ASAP1: variants seen among roughly 807,000 people sequenced by gnomAD.
ASAP1 encodes the protein ArfGAP with SH3 domain, ankyrin repeat and PH domain 1, also known as arf-GAP with SH3 domain, ANK repeat and PH domain-containing protein 1.
A neutral mutation model predicts 145.2 loss-of-function variants in ASAP1; 43 were observed. That is an observed-to-expected ratio of 0.30 (90% CI 0.23 to 0.38). The LOEUF is 0.38. ASAP1 is among the 10% of genes least tolerant of loss of function. The pLI is 1.00. For missense variants in ASAP1, 1,018 were observed against 1,355.3 expected, an observed-to-expected ratio of 0.75 and a Z score of 3.91; for synonymous variants, 546 against 515.5, an observed-to-expected ratio of 1.06 and a Z score of -0.80.
chr8:130,273,344 G>GT (rs1311958052), intron 3 of ASAP1, among the ~76,000 whole-genome samples: 6 of 152,166 alleles, frequency 3.9e-5, no homozygotes, highest in African/African-American at 7.2e-5. Context: ...AAACCTTGAA[G>GT]TTCAGCGGTC....
intron 11 of ASAP1, chr8:130,160,656 T>C (rs2097667273): frequency 2.2e-5 from 10 of 452,618 alleles, no homozygotes; most frequent in South Asian, 2.1e-4. Context: ...AAGGACTACA[T>C]GACTAGAAAC....
intron 2 of ASAP1, among the ~76,000 whole-genome samples, chr8:130,397,248 C>G (rs1828574094): frequency 1.3e-5 from 2 of 152,148 alleles, no homozygotes; most frequent in African/African-American, 4.8e-5. Flanking sequence ...TCAAGCAATT[C>G]TCATGCCTCA....
chr8:130,297,238 T>C (rs1368617994), intron 3 of ASAP1, among the ~76,000 whole-genome samples: 2 of 152,184 alleles, frequency 1.3e-5, no homozygotes. Context: ...TGTGGGAGAT[T>C]AGTTCGTCTC....
chr8:130,151,358 G>A (rs995013353), intron 13 of ASAP1, among the ~76,000 whole-genome samples: 1 of 95,778 alleles, frequency 1.0e-5, no homozygotes, highest in Admixed American at 1.6e-4. Context: ...GTGAAAGAGC[G>A]AGACTCAGTC....
In ASAP1 at chr8:130,052,671, AAAG is replaced by A. The variant is rs2097395281; in HGVS notation, c.*2057_*2059del. The A allele has an allele frequency of 1.3e-5, 2 of 152,390 alleles. No individual in the cohort carries two copies. Among genetic ancestry groups the A allele is most frequent in the Admixed American group, 6.5e-5 (1 of 15,278 alleles). The allele number at this position is 152,390 out of a possible 1,614,324, so 9.4% of individuals were successfully genotyped here. ...TGTGTAAGTTGCTGCAAAAGGGGAA[AAAG>A]AATAGACACTAACTCCATGTAATTT... is the stretch of plus-strand genomic sequence containing the variant. On this transcript the variant is annotated 3_prime_UTR_variant, in exon 30 of 30. Transcript: ENST00000518721.
intron 5 of ASAP1, among the ~76,000 whole-genome samples, chr8:130,213,857 G>A (rs1260548573): frequency 6.6e-6 from 1 of 152,148 alleles, no homozygotes; most frequent in Non-Finnish European, 1.5e-5. Flanking sequence ...TGAGGGCTGG[G>A]GAGGGGGTTG....
In ASAP1 at chr8:130,061,083, C is replaced by A. The variant is rs766437902; in HGVS notation, c.2702-14G>T. On this transcript the variant is annotated splice_polypyrimidine_tract_variant and intron_variant, in intron 27 of 29. Coordinates refer to ENST00000518721, the MANE Select transcript of ASAP1 (RefSeq NM_018482.4). The stretch of plus-strand genomic sequence containing the variant: ...TCCTTAGTGCCACTGTGGAAGCAAT[C>A]AAAAACAAGGAGGTCATTGGTGGGA... 50 of 1,520,226 alleles carry A rather than the reference C, an allele frequency of 3.3e-5. No homozygotes were observed. Among genetic ancestry groups the A allele is most frequent in the Middle Eastern group, 1.8e-4 (1 of 5,608 alleles). 94.2% of individuals were successfully genotyped at this position (1,520,226 alleles called of 1,614,324 possible).
chr8:130,243,881 G>A (rs956697938), intron 3 of ASAP1, among the ~76,000 whole-genome samples: 1 of 152,068 alleles, frequency 6.6e-6, no homozygotes, highest in Non-Finnish European at 1.5e-5. Context: ...ATGCTCCTGC[G>A]TTTATGATCT....
chr8:130,100,147 C>T lies in ASAP1; in HGVS notation c.2402-8004G>A, dbSNP rs544631999. On this transcript the variant is annotated intron_variant, in intron 24 of 29. Coordinates refer to ENST00000518721, the MANE Select transcript of ASAP1 (RefSeq NM_018482.4). ...TTCCAACCAACATTATATAAGAGTT[C>T]CCCTTTCTCTGCATCCTCATCAGGA... is the stretch of plus-strand genomic sequence containing the variant. Among the ~76,000 whole-genome samples, 318 of 152,166 alleles carry T rather than the reference C, an allele frequency of 2.1e-3. 4 individuals are homozygous for T. Among genetic ancestry groups the T allele is most frequent in the Middle Eastern group, 6.8e-3 (2 of 292 alleles).
chr8:130,256,794 T>G (rs2136931178), intron 3 of ASAP1, among the ~76,000 whole-genome samples: 1 of 143,240 alleles, frequency 7.0e-6, no homozygotes, highest in Non-Finnish European at 1.5e-5. Context: ...CTTATATATA[T>G]ATAAGCTTTT....
chr8:130,282,441 T>G (rs916028450), intron 3 of ASAP1, among the ~76,000 whole-genome samples: 9 of 152,340 alleles, frequency 5.9e-5, no homozygotes, highest in Non-Finnish European at 1.3e-4. Flanking sequence ...AATCAAAATA[T>G]TTTTGAAATT....
intron 11 of ASAP1, 68 bp downstream of exon 11, chr8:130,167,468 A>G (rs2097682302): frequency 8.0e-7 from 1 of 1,253,132 alleles, no homozygotes; most frequent in African/African-American, 1.5e-5. Flanking sequence ...AGATCAGGAA[A>G]CACAAAGGGT....
intron 2 of ASAP1, among the ~76,000 whole-genome samples, chr8:130,394,850 G>C (rs1182301601): frequency 6.6e-6 from 1 of 152,126 alleles, no homozygotes; most frequent in East Asian, 1.9e-4. Context: ...AAACTCCTAA[G>C]GGGTACAGAT....
intron 2 of ASAP1, among the ~76,000 whole-genome samples, chr8:130,363,853 C>T (rs1458227994): frequency 1.3e-5 from 2 of 152,158 alleles, no homozygotes; most frequent in African/African-American, 4.8e-5. Flanking sequence ...TGTATTTCAC[C>T]TGACAACTTA....
chr8:130,297,291 G>A (rs891188090), intron 3 of ASAP1, among the ~76,000 whole-genome samples: 3 of 152,064 alleles, frequency 2.0e-5, no homozygotes, highest in Non-Finnish European at 2.9e-5. Flanking sequence ...TCCCGTAGTC[G>A]GCCCTGCAGA....
intron 1 of ASAP1, among the ~76,000 whole-genome samples, chr8:130,407,635 A>G (rs1829092354): frequency 6.6e-6 from 1 of 152,228 alleles, no homozygotes; most frequent in Non-Finnish European, 1.5e-5. Context: ...ATTACCATCA[A>G]GCATCAGATT....
rs145117338 is a variant in ASAP1, at chr8:130,144,946, C to T, written c.1080+7790G>A. ...AATGTTTTTTATTGCAGCAAGGAAT[C>T]GGTTACCTTACTTTTGAGAGGATGT... On this transcript the variant is annotated intron_variant, in intron 13 of 29. Transcript: ENST00000518721. Among the ~76,000 whole-genome samples the T allele has an allele frequency of 2.9e-3, 435 of 152,158 alleles. 1 individual carries two copies. The highest frequency in any genetic ancestry group is 4.7e-3 in the Non-Finnish European group (318 of 67,986).
Position 130,150,644 on chromosome 8 carries a change from C to T in ASAP1, c.1080+2092G>A, listed in dbSNP as rs143032531. 1.4e-4 allele frequency among the ~76,000 whole-genome samples: 22 copies of T among 152,140 alleles called. No homozygotes were observed. In the East Asian group the frequency reaches 1.5e-3, roughly 11 times the overall value. ...CTGTAATCCCAGCACTTTGGGAGGC[C>T]GAGGCGGGTGGATCACTTAAGCTCA... is the stretch of plus-strand genomic sequence containing the variant. On this transcript the variant is annotated intron_variant, in intron 13 of 29. Coordinates refer to ENST00000518721, the MANE Select transcript of ASAP1 (RefSeq NM_018482.4).
intron 15 of ASAP1, among the ~76,000 whole-genome samples, chr8:130,129,409 C>T (rs2097579936): frequency 6.6e-6 from 1 of 152,180 alleles, no homozygotes; most frequent in South Asian, 2.1e-4. Context: ...GAGGAATTGC[C>T]CGACTTTGTG....
Sources: gnomAD v4.1 joint callset for allele counts (sites outside exome capture counted in the v4.1 genomes callset) on GRCh38, gnomAD v4.1.1 for gene constraint, MANE v1.5 for transcripts, NCBI Gene and HGNC (gene_info 2026-07-23, HGNC 2026-07-21) for gene names.